Variants in EYS observed in about 807,000 individuals in gnomAD.
The protein encoded by EYS is protein eyes shut homolog.
In EYS, 250 loss-of-function variants were observed where a neutral mutation model predicts 282.1. That is an observed-to-expected ratio of 0.89 (90% CI 0.80 to 0.98). The LOEUF (loss-of-function observed/expected upper bound fraction) is 0.98, where lower values mean the gene tolerates loss of function less well. Ranked by LOEUF, EYS falls within the 50% of genes least tolerant of loss-of-function variation. The pLI, the probability that EYS is intolerant of heterozygous loss-of-function variation, is 0.00. For missense variants in EYS, 4,016 were observed against 3,709.0 expected (o/e 1.08, Z -2.15); for synonymous variants, 1,355 against 1,282.9 (o/e 1.06, Z -1.20).
At chr6:63,876,010 C>A (rs543284901) in intron 35 of EYS, among the ~76,000 whole-genome samples, 2 of 152,232 alleles carry the variant, frequency 1.3e-5, no homozygotes, top group South Asian at 4.1e-4. Context: ...TTGCCTTCTG[C>A]TAGCTTTTGA....
In EYS at chr6:64,704,333, TAC is replaced by T. The variant is rs564693135; in HGVS notation, c.3444-78090_3444-78089del. On this transcript the variant is annotated intron_variant, in intron 22 of 42. Coordinates refer to ENST00000503581, the MANE Select transcript of EYS (RefSeq NM_001142800.2). The stretch of plus-strand genomic sequence containing the variant: ...TGTATGTACTATATATAAATATATA[TAC>T]ATATATAAAATAATTGCTACATTTA... 4.8e-3 allele frequency among the ~76,000 whole-genome samples: 702 copies of T among 145,766 alleles called. 5 individuals carry two copies. The highest frequency in any genetic ancestry group is 0.016 in the African/African-American group (628 of 40,180).
chr6:65,596,332 A>G, intron 2 of EYS, among the ~76,000 whole-genome samples: 1 of 1,242 alleles, frequency 8.1e-4, no homozygotes, highest in Non-Finnish European at 1.0e-3. Flanking sequence ...GCAGCAATAG[A>G]TAACTAATAA....
rs1766346554 is a variant in EYS, at chr6:64,589,906, A to ATC, written c.5644+316_5644+317insGA. On this transcript the variant is annotated intron_variant, in intron 26 of 42. Transcript: ENST00000503581. ...CCTGACAAAGAAGCTATTTCAAGAA[A>ATC]TGAGAATAATAAAAGTTATTTCTAA... Among the ~76,000 whole-genome samples the ATC allele has an allele frequency of 2.6e-5, 4 of 152,092 alleles. No homozygotes were observed. In the East Asian group the frequency reaches 7.7e-4, roughly 29 times the overall value.
intron 26 of EYS, among the ~76,000 whole-genome samples, chr6:64,569,740 C>CA (rs57963403): frequency 0.034 from 4,834 of 143,180 alleles, 156 homozygotes; most frequent in East Asian, 0.11. Flanking sequence ...GACTCCATTT[C>CA]AAAAAAAAAA....
At chr6:64,957,687 G>GT (rs1178192000) in intron 14 of EYS, among the ~76,000 whole-genome samples, 4 of 152,058 alleles carry the variant, frequency 2.6e-5, no homozygotes, top group Non-Finnish European at 4.4e-5. Flanking sequence ...TTGCATGCCT[G>GT]TATCAAAACA....
At chr6:64,730,870 A>G (rs906022610) in intron 22 of EYS, 1 of 152,176 alleles carries the variant, frequency 6.6e-6, no homozygotes, top group Non-Finnish European at 1.5e-5. Context: ...AGTCTTGTTA[A>G]GATTAATTCC....
intron 15 of EYS, among the ~76,000 whole-genome samples, chr6:64,937,868 T>C (rs1310680143): frequency 4.0e-5 from 6 of 151,662 alleles, no homozygotes; most frequent in Non-Finnish European, 7.4e-5. Context: ...CAAAAAGTTG[T>C]AATAATCAAC....
intron 15 of EYS, among the ~76,000 whole-genome samples, chr6:64,923,743 C>T (rs190942122): frequency 4.6e-5 from 7 of 152,274 alleles, no homozygotes; most frequent in Middle Eastern, 3.4e-3. Context: ...CAAAATCCAG[C>T]GAGGCAATCA....
chr6:64,763,519 C>T (rs963113272), intron 22 of EYS, among the ~76,000 whole-genome samples: 4 of 152,132 alleles, frequency 2.6e-5, no homozygotes, highest in African/African-American at 9.7e-5. Flanking sequence ...AGTCCTTTCC[C>T]CAACACTAAA....
At chr6:65,249,915 G>A (rs149010291) in intron 12 of EYS, among the ~76,000 whole-genome samples, 288 of 152,132 alleles carry the variant, frequency 1.9e-3, no homozygotes, top group Non-Finnish European at 3.2e-3. Flanking sequence ...CTGGCAATAC[G>A]TGGTTTCAAT....
At chr6:65,430,901 G>C (rs866728811) in intron 5 of EYS, among the ~76,000 whole-genome samples, 32 of 152,176 alleles carry the variant, frequency 2.1e-4, no homozygotes, top group African/African-American at 7.5e-4. Context: ...TATGTGGAGG[G>C]CCTTGGGTGA....
chr6:64,421,877 G>A (rs937030509), intron 28 of EYS, among the ~76,000 whole-genome samples: 1 of 151,250 alleles, frequency 6.6e-6, no homozygotes, highest in African/African-American at 2.4e-5. Context: ...GTGTGTGTGT[G>A]TGTGTGTGTG....
At chr6:64,146,172 G>C (rs997695799) in intron 31 of EYS, among the ~76,000 whole-genome samples, 7 of 152,070 alleles carry the variant, frequency 4.6e-5, no homozygotes, top group Non-Finnish European at 8.8e-5. Context: ...GAGATTCACA[G>C]TCACTTGTGA....
chr6:65,018,478 AAGGGCCCACC>A, intron 13 of EYS, among the ~76,000 whole-genome samples: 1 of 152,168 alleles, frequency 6.6e-6, no homozygotes, highest in Non-Finnish European at 1.5e-5. Flanking sequence ...ATATTGGATT[AAGGGCCCACC>A]TACTCCAGTA....
At chr6:64,320,503 G>A (rs991406038) in intron 29 of EYS, among the ~76,000 whole-genome samples, 2 of 151,400 alleles carry the variant, frequency 1.3e-5, no homozygotes, top group Non-Finnish European at 3.0e-5. Flanking sequence ...TTTATCTTTA[G>A]ATGTTCTACT....
intron 22 of EYS, among the ~76,000 whole-genome samples, chr6:64,737,434 A>G (rs1050166878): frequency 1.3e-5 from 2 of 152,236 alleles, no homozygotes; most frequent in African/African-American, 4.8e-5. Flanking sequence ...AAACAATGGT[A>G]ATTCATTATC....
At chr6:64,295,097 G>A (rs1038506329) in intron 30 of EYS, among the ~76,000 whole-genome samples, 11 of 151,460 alleles carry the variant, frequency 7.3e-5, no homozygotes, top group African/African-American at 1.7e-4. Context: ...GGGTCTGGCC[G>A]GGCACGGTGG....
chr6:63,918,674 T>A (rs1764487471), intron 35 of EYS, among the ~76,000 whole-genome samples: 1 of 152,162 alleles, frequency 6.6e-6, no homozygotes, highest in Admixed American at 6.5e-5. Flanking sequence ...AGCAAGGGTA[T>A]TCAAAGCCAG....
intron 29 of EYS, among the ~76,000 whole-genome samples, chr6:64,359,611 T>C (rs1191543476): frequency 6.6e-6 from 1 of 151,654 alleles, no homozygotes; most frequent in African/African-American, 2.4e-5. Flanking sequence ...TCAATCAGAG[T>C]TCTGGAAGCT....
Sources: gnomAD v4.1 joint callset for allele counts (sites outside exome capture counted in the v4.1 genomes callset) on GRCh38, gnomAD v4.1.1 for gene constraint, MANE v1.5 for transcripts, NCBI Gene and HGNC (gene_info 2026-07-23, HGNC 2026-07-21) for gene names.